The following ABCA12 variants were observed in gnomAD, a reference collection of about 807,000 sequenced individuals.
ABCA12 encodes glucosylceramide transporter ABCA12.
ABCA12 carries 156 observed loss-of-function variants against 293.5 expected under a neutral mutation model. The ratio of observed to expected loss-of-function variants is 0.53; its 90% CI spans 0.47 to 0.61. The LOEUF is 0.61. Ranked by LOEUF, ABCA12 falls within the 20% of genes least tolerant of loss-of-function variation. The pLI is 0.00. For missense variants in ABCA12, 2,797 were observed against 3,090.2 expected, an observed-to-expected ratio of 0.91 and a Z score of 2.25; for synonymous variants, 1,063 against 1,108.0, an observed-to-expected ratio of 0.96 and a Z score of 0.81.
intron 2 of ABCA12, among the ~76,000 whole-genome samples, chr2:215,075,989 G>A (rs923670163): frequency 1.5e-4 from 23 of 152,174 alleles, no homozygotes; most frequent in African/African-American, 5.5e-4. Context: ...CTCCTCAACA[G>A]TTTGTGTAAT....
At chr2:215,086,919 T>TTCATTATTATTATTATTATTA (rs1425030663) in intron 2 of ABCA12, among the ~76,000 whole-genome samples, 24 of 151,098 alleles carry the variant, frequency 1.6e-4, no homozygotes, top group African/African-American at 5.4e-4. Context: ...TAACTACCAG[T>TTCATTATTATTATTATTATTA]TTATTATTAT....
chr2:215,085,991 A>G (rs781283780), intron 2 of ABCA12, among the ~76,000 whole-genome samples: 1 of 152,344 alleles, frequency 6.6e-6, no homozygotes, highest in African/African-American at 2.4e-5. Context: ...AAGGCCAGAC[A>G]ATGACAGAGG....
chr2:215,102,184 C>T (rs1376459799), intron 2 of ABCA12, among the ~76,000 whole-genome samples: 1 of 152,094 alleles, frequency 6.6e-6, no homozygotes, highest in Admixed American at 6.5e-5. Context: ...TATGCACACT[C>T]GTACCTCATT....
intron 52 of ABCA12, among the ~76,000 whole-genome samples, chr2:214,933,029 C>A (rs1373562455): frequency 6.6e-6 from 1 of 152,110 alleles, no homozygotes; most frequent in Non-Finnish European, 1.5e-5. Flanking sequence ...AGTTGACTAT[C>A]TGTAGCCACA....
chr2:215,130,099 C>T (rs1037898259), intron 1 of ABCA12, among the ~76,000 whole-genome samples: 1 of 152,096 alleles, frequency 6.6e-6, no homozygotes, highest in East Asian at 1.9e-4. Flanking sequence ...ATTTTTGTAT[C>T]AGTATCATGC....
At chr2:215,134,913 AT>A (rs928788293) in intron 1 of ABCA12, among the ~76,000 whole-genome samples, 1 of 151,958 alleles carries the variant, frequency 6.6e-6, no homozygotes, top group African/African-American at 2.4e-5. Flanking sequence ...CTCTCAAAGG[AT>A]TATAGGCATA....
intron 3 of ABCA12, among the ~76,000 whole-genome samples, chr2:215,060,291 T>C (rs1701503780): frequency 6.6e-6 from 1 of 152,108 alleles, no homozygotes; most frequent in African/African-American, 2.4e-5. Context: ...TCTGTATCTA[T>C]AGTGACTTGC....
At chr2:215,119,865 A>C (rs1702768056) in intron 1 of ABCA12, among the ~76,000 whole-genome samples, 1 of 152,124 alleles carries the variant, frequency 6.6e-6, no homozygotes, top group African/African-American at 2.4e-5. Flanking sequence ...AGCAGTTTGG[A>C]GATTTCTCAA....
intron 2 of ABCA12, among the ~76,000 whole-genome samples, chr2:215,072,822 C>T (rs371942429): frequency 9.2e-5 from 14 of 152,202 alleles, no homozygotes; most frequent in African/African-American, 2.7e-4. Flanking sequence ...CTTCGCCAGG[C>T]GCGGTGGCTC....
At chr2:215,067,761 C>T (rs1347464269) in intron 2 of ABCA12, among the ~76,000 whole-genome samples, 1 of 152,092 alleles carries the variant, frequency 6.6e-6, no homozygotes, top group Non-Finnish European at 1.5e-5. Flanking sequence ...TGGATACAGT[C>T]TACCTCATTG....
In ABCA12 at chr2:215,062,557, T is replaced by C. The variant is rs562377459; in HGVS notation, c.317+1509A>G. Among the ~76,000 whole-genome samples, 46 of 152,206 alleles carry C rather than the reference T, an allele frequency of 3.0e-4. 3 individuals carry two copies. In the South Asian group the frequency reaches 9.3e-3, roughly 31 times the overall value. ...GATCAATTCTGCATGCTCTGGTCTC[T>C]GAGGTTCCTTTTCTACGTATCCCAA... On this transcript the variant is annotated intron_variant, in intron 3 of 52. Coordinates refer to ENST00000272895, the MANE Select transcript of ABCA12 (RefSeq NM_173076.3).
intron 22 of ABCA12, among the ~76,000 whole-genome samples, chr2:214,999,081 G>C (rs1700091361): frequency 6.6e-6 from 1 of 152,052 alleles, no homozygotes; most frequent in South Asian, 2.1e-4. Context: ...GTGTTTTTTT[G>C]GTGAGGGAGC....
chr2:214,977,870 C>CT (rs1217130549), intron 33 of ABCA12, among the ~76,000 whole-genome samples: 7 of 121,280 alleles, frequency 5.8e-5, no homozygotes, highest in Non-Finnish European at 1.1e-4. Flanking sequence ...GCGGCAGCTC[C>CT]TTTTTTTTCC....
At chr2:215,041,128 G>T (rs1383164717) in intron 7 of ABCA12, among the ~76,000 whole-genome samples, 1 of 152,106 alleles carries the variant, frequency 6.6e-6, no homozygotes, top group Non-Finnish European at 1.5e-5. Flanking sequence ...GCTTGATTTA[G>T]CCATTCCACA....
chr2:214,950,378 A>ATC (rs1698719593), intron 45 of ABCA12, among the ~76,000 whole-genome samples: 1 of 75,770 alleles, frequency 1.3e-5, no homozygotes, highest in Non-Finnish European at 2.9e-5. Flanking sequence ...GTGTGTATAT[A>ATC]TATATCTGTG....
intron 2 of ABCA12, among the ~76,000 whole-genome samples, chr2:215,091,390 G>A (rs1232978457): frequency 6.6e-6 from 1 of 152,168 alleles, no homozygotes; most frequent in East Asian, 1.9e-4. Flanking sequence ...TCCTCTTAGA[G>A]AGGTGGCTGG....
intron 19 of ABCA12, among the ~76,000 whole-genome samples, chr2:215,005,440 A>T (rs1700232271): frequency 2.0e-5 from 3 of 152,224 alleles, no homozygotes; most frequent in African/African-American, 7.2e-5. Flanking sequence ...AAAACATATT[A>T]GTCGAGCACA....
At position 214,970,211 on chromosome 2, in the gene ABCA12, TA is replaced by T. The variant is rs1465082612; in HGVS notation, c.5690+61del. On this transcript the variant is annotated intron_variant, in intron 37 of 52. Transcript: ENST00000272895. ...TAGAAATTTGTATCTATTGTCTCTT[TA>T]GAAGGCAGCTACCATTAAAATTAGC... 3 of 1,527,304 alleles carry T rather than the reference TA, an allele frequency of 2.0e-6. No homozygotes were observed. The African/African-American group carries it at 4.1e-5, about 21-fold the overall frequency. The allele number at this position is 1,527,304 out of a possible 1,614,324, so 94.6% of individuals were successfully genotyped here.
chr2:215,112,888 T>C (rs1056571657), intron 1 of ABCA12, among the ~76,000 whole-genome samples: 4 of 152,158 alleles, frequency 2.6e-5, no homozygotes, highest in African/African-American at 9.7e-5. Flanking sequence ...AAACACTAAC[T>C]GCTTAATATT....
Sources: gnomAD v4.1 joint callset for allele counts (sites outside exome capture counted in the v4.1 genomes callset) on GRCh38, gnomAD v4.1.1 for gene constraint, MANE v1.5 for transcripts, NCBI Gene and HGNC (gene_info 2026-07-23, HGNC 2026-07-21) for gene names.